Variants in CRYBB1 observed in about 807,000 individuals in gnomAD.
CRYBB1 encodes the protein beta-crystallin B1.
In CRYBB1, 16 loss-of-function variants were observed where a neutral mutation model predicts 29.5. The observed-to-expected ratio is 0.54, with a 90% CI of 0.37 to 0.82. The LOEUF is 0.82. Among genes scored for constraint, CRYBB1 ranks in the 40% least tolerant of loss-of-function variants. The pLI, the probability that CRYBB1 is intolerant of heterozygous loss-of-function variation, is 0.00. For missense variants in CRYBB1, 300 were observed against 350.5 expected (o/e 0.86, Z 1.15); for synonymous variants, 127 against 136.7 (o/e 0.93, Z 0.49).
At chr22:26,609,541 G>A (rs1929091181) in intron 3 of CRYBB1, among the ~76,000 whole-genome samples, 1 of 152,126 alleles carries the variant, frequency 6.6e-6, no homozygotes, top group African/African-American at 2.4e-5. Context: ...TAGATGGATG[G>A]GTGGGTAGAT....
intron 5 of CRYBB1, 54 bp downstream of exon 5, chr22:26,601,825 G>A: frequency 6.2e-7 from 1 of 1,610,278 alleles, no homozygotes; most frequent in Non-Finnish European, 8.5e-7. Flanking sequence ...AGCAGCCTCT[G>A]ATTCTGCCTG....
intron 3 of CRYBB1, among the ~76,000 whole-genome samples, chr22:26,610,017 G>T (rs1929106069): frequency 6.7e-6 from 1 of 149,084 alleles, no homozygotes; most frequent in African/African-American, 2.5e-5. Context: ...CTAGGCTTCT[G>T]GAAAAACAGA....
At chr22:26,600,254 T>C (rs1015500569) in intron 5 of CRYBB1, among the ~76,000 whole-genome samples, 1 of 151,896 alleles carries the variant, frequency 6.6e-6, no homozygotes, top group South Asian at 2.1e-4. Flanking sequence ...ACAAAAAAAT[T>C]AGCAGGGTGT....
intron 4 of CRYBB1, 146 bp downstream of exon 4, chr22:26,607,743 C>A: frequency 2.8e-6 from 3 of 1,077,308 alleles, no homozygotes; most frequent in Non-Finnish European, 4.1e-6. Flanking sequence ...TTGATGAGCT[C>A]AAGAATCCAC....
At chr22:26,605,884 G>A (rs1429046385) in intron 4 of CRYBB1, among the ~76,000 whole-genome samples, 1 of 152,042 alleles carries the variant, frequency 6.6e-6, no homozygotes, top group Non-Finnish European at 1.5e-5. Context: ...CCAGGACTGT[G>A]GCAGGGCAGA....
intron 3 of CRYBB1, among the ~76,000 whole-genome samples, chr22:26,611,360 T>G (rs981865613): frequency 6.6e-6 from 1 of 152,208 alleles, no homozygotes; most frequent in African/African-American, 2.4e-5. Flanking sequence ...ATGCTTATCA[T>G]TACTCCCAGG....
chr22:26,607,187 T>C (rs932360376), intron 4 of CRYBB1, among the ~76,000 whole-genome samples: 2 of 151,970 alleles, frequency 1.3e-5, no homozygotes, highest in African/African-American at 4.8e-5. Flanking sequence ...CACGCCCGGC[T>C]AATTTTTGTA....
intron 4 of CRYBB1, among the ~76,000 whole-genome samples, chr22:26,602,845 C>T (rs552914906): frequency 3.3e-5 from 5 of 152,066 alleles, no homozygotes; most frequent in East Asian, 1.9e-4. Flanking sequence ...GCCTCTAGGC[C>T]GGGTGCGATG....
intron 4 of CRYBB1, among the ~76,000 whole-genome samples, chr22:26,603,859 G>T (rs1176451478): frequency 6.6e-6 from 1 of 152,120 alleles, no homozygotes; most frequent in Non-Finnish European, 1.5e-5. Context: ...GGGAGGCAGA[G>T]GTTGCAGTGA....
At chr22:26,604,580 A>C (rs1355992078) in intron 4 of CRYBB1, among the ~76,000 whole-genome samples, 1 of 152,220 alleles carries the variant, frequency 6.6e-6, no homozygotes, top group African/African-American at 2.4e-5. Context: ...TTGGAGGTTA[A>C]GGAGGAGTGC....
intron 3 of CRYBB1, among the ~76,000 whole-genome samples, chr22:26,610,458 CTTTG>C (rs1177023102): frequency 6.6e-6 from 1 of 152,126 alleles, no homozygotes; most frequent in African/African-American, 2.4e-5. Context: ...CCAGCTGCAT[CTTTG>C]TTTGAGGAGA....
chr22:26,607,429 C>T (rs556936798), intron 4 of CRYBB1, among the ~76,000 whole-genome samples: 75 of 152,090 alleles, frequency 4.9e-4, no homozygotes, highest in African/African-American at 1.7e-3. Flanking sequence ...TGGTGGCTCA[C>T]GGCTGTAATC....
At chr22:26,609,476 G>A (rs547781956) in intron 3 of CRYBB1, among the ~76,000 whole-genome samples, 5 of 152,220 alleles carry the variant, frequency 3.3e-5, no homozygotes, top group African/African-American at 1.2e-4. Context: ...ATGAATGGAT[G>A]CATGGATAAA....
chr22:26,615,538 G>C (rs1291002155), intron 2 of CRYBB1, among the ~76,000 whole-genome samples: 2 of 150,576 alleles, frequency 1.3e-5, no homozygotes, highest in Non-Finnish European at 3.0e-5. Context: ...TTTTTTGATG[G>C]AGTCTCCCTC....
chr22:26,609,892 AC>A (rs1007441730), intron 3 of CRYBB1, among the ~76,000 whole-genome samples: 1 of 152,238 alleles, frequency 6.6e-6, no homozygotes, highest in African/African-American at 2.4e-5. Context: ...TGTTGCATCT[AC>A]CTTGTTGGGA....
At chr22:26,607,019 C>CTTTTT (rs34126720) in intron 4 of CRYBB1, among the ~76,000 whole-genome samples, 6 of 111,962 alleles carry the variant, frequency 5.4e-5, no homozygotes, top group Non-Finnish European at 8.7e-5. Flanking sequence ...TATCCCTCTC[C>CTTTTT]TTTTTTTTTT....
At chr22:26,615,917 T>A (rs1414171434) in intron 2 of CRYBB1, among the ~76,000 whole-genome samples, 4 of 149,596 alleles carry the variant, frequency 2.7e-5, no homozygotes, top group African/African-American at 7.4e-5. Flanking sequence ...GAGGCCAAGG[T>A]GAGGGAAAAA....
intron 4 of CRYBB1, among the ~76,000 whole-genome samples, chr22:26,602,911 C>A (rs1928866017): frequency 6.6e-6 from 1 of 151,046 alleles, no homozygotes; most frequent in Admixed American, 6.6e-5. Context: ...ATCATGTGGT[C>A]AGGAGATCAA....
At chr22:26,600,401 C>CAA (rs756205214) in intron 5 of CRYBB1, among the ~76,000 whole-genome samples, 1 of 139,830 alleles carries the variant, frequency 7.2e-6, no homozygotes, top group Non-Finnish European at 1.6e-5. Context: ...GACTCCATCT[C>CAA]AAAAAAAAAA....
Sources: gnomAD v4.1 joint callset for allele counts (sites outside exome capture counted in the v4.1 genomes callset) on GRCh38, gnomAD v4.1.1 for gene constraint, MANE v1.5 for transcripts, NCBI Gene and HGNC (gene_info 2026-07-23, HGNC 2026-07-21) for gene names.